SLC25A21: variants seen among roughly 807,000 people sequenced by gnomAD.
The protein encoded by SLC25A21 is mitochondrial 2-oxodicarboxylate carrier.
In SLC25A21, 47 loss-of-function variants were observed where a neutral mutation model predicts 43.8. The ratio of observed to expected loss-of-function variants is 1.07; its 90% CI spans 0.85 to 1.37. The LOEUF is 1.37. Among genes scored for constraint, SLC25A21 ranks in the 40% most tolerant of loss-of-function variants. SLC25A21 has a pLI of 0.00. For synonymous variants in SLC25A21, 131 were observed against 121.3 expected (o/e 1.08, Z -0.52); for missense variants, 352 against 350.2 (o/e 1.00, Z -0.04).
At chr14:36,903,436 A>T (rs1405959499) in intron 1 of SLC25A21, among the ~76,000 whole-genome samples, 1 of 151,614 alleles carries the variant, frequency 6.6e-6, no homozygotes, top group Non-Finnish European at 1.5e-5. Context: ...ACATGGTGAA[A>T]CCCCGTCTCT....
At chr14:36,909,448 A>C (rs994454820) in intron 1 of SLC25A21, among the ~76,000 whole-genome samples, 2 of 152,218 alleles carry the variant, frequency 1.3e-5, no homozygotes, top group Non-Finnish European at 2.9e-5. Flanking sequence ...AGCGTATTCA[A>C]CTGCACTGGA....
At position 36,840,997 on chromosome 14, in the gene SLC25A21, A is replaced by G. The variant is rs1270068744; in HGVS notation, c.120-26996T>C. Among the ~76,000 whole-genome samples, 4 of 152,360 alleles carry G rather than the reference A, an allele frequency of 2.6e-5. No individual in the cohort carries two copies. The South Asian group carries it at 6.2e-4, about 24-fold the overall frequency. ...ATGTACAGCAATATGTCTGCCATAA[A>G]TCAGGCACTAAATAAATGTTAATTA... On this transcript the variant is annotated intron_variant, in intron 2 of 9. Coordinates refer to ENST00000331299, the MANE Select transcript of SLC25A21 (RefSeq NM_030631.4).
rs547645359 is a variant in SLC25A21 at position 36,979,417 on chromosome 14, G to T, written c.71-104413C>A. ...GTCGCCCAGGCTGGAGTGCAGTGGC[G>T]TGATAGTGGCTCACTGCAGCCTCCG... On this transcript the variant is annotated intron_variant, in intron 1 of 9. Transcript: ENST00000331299. Among the ~76,000 whole-genome samples, 372 of 151,560 alleles carry T rather than the reference G, an allele frequency of 2.5e-3. 1 individual carries two copies. Among genetic ancestry groups the T allele is most frequent in the African/African-American group, 8.6e-3 (354 of 41,124 alleles).
intron 1 of SLC25A21, among the ~76,000 whole-genome samples, chr14:37,160,913 G>A (rs913520483): frequency 1.8e-4 from 27 of 146,206 alleles, no homozygotes; most frequent in Non-Finnish European, 3.7e-4. Flanking sequence ...CTGGGCAACA[G>A]AGTGAGATGT....
At chr14:36,803,232 G>A (rs1887928503) in intron 3 of SLC25A21, among the ~76,000 whole-genome samples, 1 of 152,106 alleles carries the variant, frequency 6.6e-6, no homozygotes, top group Non-Finnish European at 1.5e-5. Context: ...CAGTTCATGG[G>A]GTTAAGGGGT....
intron 2 of SLC25A21, among the ~76,000 whole-genome samples, chr14:36,837,419 G>A (rs1193183682): frequency 6.6e-6 from 1 of 152,056 alleles, no homozygotes; most frequent in African/African-American, 2.4e-5. Flanking sequence ...AAGCAGAGGG[G>A]ATTCCAAGAA....
chr14:36,859,903 A>C (rs1295172776), intron 2 of SLC25A21, among the ~76,000 whole-genome samples: 1 of 152,102 alleles, frequency 6.6e-6, no homozygotes, highest in Non-Finnish European at 1.5e-5. Flanking sequence ...CCCATTTTTA[A>C]ATGACATTTA....
At chr14:37,042,090 C>T (rs1594766088) in intron 1 of SLC25A21, among the ~76,000 whole-genome samples, 2 of 152,270 alleles carry the variant, frequency 1.3e-5, no homozygotes, top group African/African-American at 4.8e-5. Context: ...TAATACATTA[C>T]GGGGTAACCT....
At chr14:37,059,363 A>G (rs948844009) in intron 1 of SLC25A21, among the ~76,000 whole-genome samples, 3 of 149,364 alleles carry the variant, frequency 2.0e-5, no homozygotes, top group African/African-American at 7.3e-5. Flanking sequence ...TATGAACCCA[A>G]AGAGTCTGGT....
intron 1 of SLC25A21, among the ~76,000 whole-genome samples, chr14:36,990,432 A>G (rs1960237503): frequency 6.6e-6 from 1 of 152,226 alleles, no homozygotes; most frequent in Admixed American, 6.5e-5. Context: ...GAAATTATTT[A>G]TAGTTTAACC....
intron 1 of SLC25A21, among the ~76,000 whole-genome samples, chr14:36,894,378 C>A (rs1891176181): frequency 6.6e-6 from 1 of 152,154 alleles, no homozygotes; most frequent in South Asian, 2.1e-4. Flanking sequence ...GTGATTTTTG[C>A]ACATGGATTT....
chr14:36,744,237 C>T (rs1007082340), intron 3 of SLC25A21, among the ~76,000 whole-genome samples: 19 of 152,164 alleles, frequency 1.2e-4, no homozygotes, highest in Non-Finnish European at 1.3e-4. Flanking sequence ...CAAAGCAATC[C>T]TAAGCAAAAA....
intron 2 of SLC25A21, among the ~76,000 whole-genome samples, chr14:36,815,993 A>G (rs1888441934): frequency 6.6e-6 from 1 of 152,210 alleles, no homozygotes; most frequent in Admixed American, 6.5e-5. Flanking sequence ...TACTTCTAGA[A>G]ATAATATATT....
At chr14:36,851,764 CA>C (rs1201598449) in intron 2 of SLC25A21, among the ~76,000 whole-genome samples, 1 of 152,068 alleles carries the variant, frequency 6.6e-6, no homozygotes, top group East Asian at 1.9e-4. Flanking sequence ...GTGTGTTCTC[CA>C]AATGAGTAGT....
At chr14:37,062,040 T>G (rs1961958923) in intron 1 of SLC25A21, among the ~76,000 whole-genome samples, 1 of 152,170 alleles carries the variant, frequency 6.6e-6, no homozygotes, top group Non-Finnish European at 1.5e-5. Context: ...AAACCCCACA[T>G]ACAATAATCC....
chr14:36,741,058 G>T (rs1465988625), intron 3 of SLC25A21, among the ~76,000 whole-genome samples: 1 of 152,118 alleles, frequency 6.6e-6, no homozygotes. Flanking sequence ...CTCAGGTAAA[G>T]AAACTAAAAA....
In SLC25A21 at chr14:36,953,520, ACAAT is replaced by A. The variant is rs543185864; in HGVS notation, c.71-78520_71-78517del. On this transcript the variant is annotated intron_variant, in intron 1 of 9. Coordinates refer to ENST00000331299, the MANE Select transcript of SLC25A21 (RefSeq NM_030631.4). ...AACTGAAAAAAATATGAATCCCTGC[ACAAT>A]GTAGGTTAACATTCAGTAGATGACA... 2.3e-3 allele frequency among the ~76,000 whole-genome samples: 344 copies of A among 152,358 alleles called. 1 individual carries two copies. Among genetic ancestry groups the A allele is most frequent in the African/African-American group, 7.5e-3 (311 of 41,596 alleles).
Position 36,826,637 on chromosome 14 carries a change from T to C in SLC25A21, c.120-12636A>G, listed in dbSNP as rs149046543. Among the ~76,000 whole-genome samples the C allele has an allele frequency of 2.7e-3, 409 of 152,326 alleles. 7 individuals are homozygous for C. Among genetic ancestry groups the C allele is most frequent in the Middle Eastern group, 0.014 (4 of 294 alleles). ...CATGAGTGAAGTCCATGAACATTAGTGTCTGGCCTTTGCAACATCAGTATG... is the reference window on the plus strand; with the variant it reads ...CATGAGTGAAGTCCATGAACATTAGCGTCTGGCCTTTGCAACATCAGTATG... On this transcript the variant is annotated intron_variant, in intron 2 of 9. Coordinates refer to ENST00000331299, the MANE Select transcript of SLC25A21 (RefSeq NM_030631.4).
At chr14:36,697,942 T>C (rs1027323249) in intron 7 of SLC25A21, among the ~76,000 whole-genome samples, 5 of 152,190 alleles carry the variant, frequency 3.3e-5, no homozygotes, top group South Asian at 2.1e-4. Flanking sequence ...ATATGTGAAT[T>C]TGATCCTATC....
Sources: allele counts gnomAD v4.1 joint callset (sites outside exome capture counted in the v4.1 genomes callset), GRCh38; gene constraint gnomAD v4.1.1; transcripts MANE v1.5; gene names NCBI Gene and HGNC (gene_info 2026-07-23, HGNC 2026-07-21).